Variants in TECPR2 observed in about 807,000 individuals in gnomAD.
TECPR2 encodes tectonin beta-propeller repeat containing 2.
A neutral mutation model predicts 138.1 loss-of-function variants in TECPR2; 65 were observed. That is an observed-to-expected ratio of 0.47 (90% CI 0.39 to 0.58). The LOEUF (loss-of-function observed/expected upper bound fraction) is 0.58, where lower values mean the gene tolerates loss of function less well. Ranked by LOEUF, TECPR2 falls within the 20% of genes least tolerant of loss-of-function variation. The pLI, the probability that TECPR2 is intolerant of heterozygous loss-of-function variation, is 0.00. For missense variants in TECPR2, 1,553 were observed against 1,824.5 expected (o/e 0.85, Z 2.71); for synonymous variants, 746 against 749.8 (o/e 0.99, Z 0.08).
chr14:102,379,733 T>C (rs1887745746), intron 2 of TECPR2, among the ~76,000 whole-genome samples: 1 of 133,566 alleles, frequency 7.5e-6, no homozygotes, highest in Non-Finnish European at 1.7e-5. Flanking sequence ...AGAGGCATCT[T>C]AGTCACACTG....
At chr14:102,381,650 A>C (rs755942281) in intron 2 of TECPR2, among the ~76,000 whole-genome samples, 4 of 152,212 alleles carry the variant, frequency 2.6e-5, no homozygotes, top group Non-Finnish European at 5.9e-5. Context: ...AAGAAAGGTG[A>C]AATGAAAGTA....
chr14:102,496,456 A>G (rs192288855), intron 17 of TECPR2, among the ~76,000 whole-genome samples: 9 of 152,358 alleles, frequency 5.9e-5, no homozygotes, highest in Admixed American at 5.9e-4. Context: ...AGGCTGCCCA[A>G]GGACCAGGGC....
intron 9 of TECPR2, chr14:102,437,011 C>T (rs576305188): frequency 2.0e-6 from 2 of 985,470 alleles, no homozygotes; most frequent in East Asian, 2.3e-4. Flanking sequence ...AACTTCCTCC[C>T]TTCCTCATCC....
At chr14:102,417,156 A>G (rs573741081) in intron 5 of TECPR2, among the ~76,000 whole-genome samples, 1 of 152,364 alleles carries the variant, frequency 6.6e-6, no homozygotes, top group South Asian at 2.1e-4. Context: ...TGCAGAAACA[A>G]ATAAATGTGT....
At chr14:102,425,583 T>C (rs2139716960) in intron 6 of TECPR2, among the ~76,000 whole-genome samples, 1 of 152,236 alleles carries the variant, frequency 6.6e-6, no homozygotes, top group East Asian at 1.9e-4. Flanking sequence ...GTTGTTGTTG[T>C]TGTTGTTGTT....
At chr14:102,435,332 G>A (rs975276933) in intron 9 of TECPR2, 121 bp downstream of exon 9, 7 of 1,390,400 alleles carry the variant, frequency 5.0e-6, no homozygotes, top group Non-Finnish European at 6.7e-6. Flanking sequence ...AAAATCCGTA[G>A]GCCAACTCTG....
At chr14:102,416,692 C>T (rs1205589626) in intron 5 of TECPR2, among the ~76,000 whole-genome samples, 2 of 152,198 alleles carry the variant, frequency 1.3e-5, no homozygotes, top group African/African-American at 4.8e-5. Context: ...TCTCTTAAAA[C>T]CTGGCCCTTG....
intron 17 of TECPR2, among the ~76,000 whole-genome samples, chr14:102,486,710 G>A (rs929742388): frequency 1.3e-5 from 2 of 152,164 alleles, no homozygotes; most frequent in African/African-American, 4.8e-5. Context: ...TCAGAGTCTC[G>A]AGGAGCCTCA....
rs76634606 is a variant in TECPR2 at position 102,363,239 on chromosome 14, G to A, written c.-73+123G>A. On this transcript the variant is annotated intron_variant, in intron 1 of 19. Coordinates refer to ENST00000359520, the MANE Select transcript of TECPR2 (RefSeq NM_014844.5). Reference sequence around the variant, plus strand: ...TGCCTCAGCCCCGCAGGGTCTCCATGCCCGTCCGCCCCGTCTCCCTCGCCC... The same window carrying A: ...TGCCTCAGCCCCGCAGGGTCTCCATACCCGTCCGCCCCGTCTCCCTCGCCC... 131 of 203,320 alleles carry A rather than the reference G, an allele frequency of 6.4e-4. No individual in the cohort carries two copies. In the East Asian group the frequency reaches 0.014, roughly 22 times the overall value. The allele number at this position is 203,320 out of a possible 1,614,324, so 12.6% of individuals were successfully genotyped here.
chr14:102,431,891 A>C lies in TECPR2; in HGVS notation c.1180A>C (p.Arg394=), dbSNP rs549744502. Reference sequence around the variant, plus strand: ...GGCCACAGTTTCTGAGACGAGGCTCAGAGGCTCTTCCATGGCCAGCTCCGT... The same window carrying C: ...GGCCACAGTTTCTGAGACGAGGCTCCGAGGCTCTTCCATGGCCAGCTCCGT... ...PGATVSETRL[R]GSSMASSVAS... The change falls in exon 8 of 20, where the codon AGA becomes CGA. Residue 394 remains arginine, a synonymous_variant. Transcript: ENST00000359520. 1.8e-5 allele frequency: 29 copies of C among 1,609,190 alleles called. 1 individual carries two copies. The South Asian group carries it at 3.1e-4, about 17-fold the overall frequency.
chr14:102,434,446 C>A lies in TECPR2; in HGVS notation c.1629C>A (p.Asp543Glu). 6.5e-7 allele frequency: 1 copy of A among 1,538,894 alleles called. No individual in the cohort carries two copies. The highest frequency in any genetic ancestry group is 8.7e-7 in the Non-Finnish European group (1 of 1,144,618). Residue 543 changes from aspartate to glutamate, a missense_variant, in exon 9 of 20, where the codon GAC becomes GAA. Asp to Glu is a conservative substitution (Grantham distance 45). Transcript: ENST00000359520. ...ACGGTGTCCCACAGGAAAATACTGA[C>A]CCCGAAACGTTTAATGTCCTGGAGG... ...EVNGVPQENT[D>E]PETFNVLEVS... is the part of the protein sequence containing the mutation.
At chr14:102,411,698 T>TAAAA (rs1219515960) in intron 4 of TECPR2, among the ~76,000 whole-genome samples, 1 of 9,670 alleles carries the variant, frequency 1.0e-4, no homozygotes, top group Non-Finnish European at 1.9e-4. Context: ...GCCATGTTGC[T>TAAAA]CAAAAAAAAA....
At position 102,424,969 on chromosome 14, in the gene TECPR2, C is replaced by G. The variant is rs1889275799; in HGVS notation, c.639-10C>G. On this transcript the variant is annotated splice_polypyrimidine_tract_variant and intron_variant, in intron 5 of 19. Transcript: ENST00000359520. ...GTTTTTTGTTCTTTCTTTCTTTCTT[C>G]TAATTTTAGTACTGGGAAATTTGGT... is the stretch of plus-strand genomic sequence containing the variant. 6.3e-7 allele frequency: 1 copy of G among 1,593,500 alleles called. No homozygotes were observed. The highest frequency in any genetic ancestry group is 2.2e-5 in the East Asian group (1 of 44,498).
intron 17 of TECPR2, among the ~76,000 whole-genome samples, chr14:102,471,948 T>C (rs1468010195): frequency 6.6e-6 from 1 of 152,212 alleles, no homozygotes; most frequent in Non-Finnish European, 1.5e-5. Flanking sequence ...GGAATATTTG[T>C]CACAATTATC....
At chr14:102,392,754 C>T (rs940128784) in intron 2 of TECPR2, among the ~76,000 whole-genome samples, 2 of 152,126 alleles carry the variant, frequency 1.3e-5, no homozygotes, top group African/African-American at 4.8e-5. Flanking sequence ...ATCGGGACTG[C>T]TCCACAGATG....
chr14:102,486,837 C>T (rs988666082), intron 17 of TECPR2, among the ~76,000 whole-genome samples: 36 of 152,218 alleles, frequency 2.4e-4, no homozygotes, highest in African/African-American at 8.7e-4. Context: ...GACCTATTAA[C>T]ATGGGTATCG....
chr14:102,465,991 G>A (rs534647431), intron 17 of TECPR2, among the ~76,000 whole-genome samples: 1 of 152,298 alleles, frequency 6.6e-6, no homozygotes, highest in African/African-American at 2.4e-5. Flanking sequence ...TGACTCTGTT[G>A]GGAAACAGGT....
Position 102,499,211 on chromosome 14 carries a change from C to G in TECPR2, c.*954C>G. The G allele has an allele frequency of 2.9e-6, 2 of 696,298 alleles. No homozygotes were observed. The highest frequency in any genetic ancestry group is 5.3e-6 in the Non-Finnish European group (2 of 379,832). 43.1% of individuals were successfully genotyped at this position (696,298 alleles called of 1,614,324 possible). A position where few individuals can be genotyped will look rare whatever the true frequency, so the allele number is the denominator to read the frequency against. ...GTGCATGGGGCGTGGGGGAGCTGAG[C>G]AAGGGTCGCTCACTTAGAAATGTCT... On this transcript the variant is annotated 3_prime_UTR_variant, in exon 20 of 20. Transcript: ENST00000359520.
intron 2 of TECPR2, among the ~76,000 whole-genome samples, chr14:102,405,486 G>A (rs1287771678): frequency 6.6e-6 from 1 of 152,058 alleles, no homozygotes. Context: ...CACCCATTAG[G>A]ATGGCTACTG....
Sources: allele counts gnomAD v4.1 joint callset (sites outside exome capture counted in the v4.1 genomes callset), GRCh38; gene constraint gnomAD v4.1.1; transcripts MANE v1.5; gene names NCBI Gene and HGNC (gene_info 2026-07-23, HGNC 2026-07-21).